The following PGM5 variants were observed in gnomAD, a reference collection of about 807,000 sequenced individuals.
PGM5 encodes phosphoglucomutase-like protein 5.
PGM5 carries 23 observed loss-of-function variants against 59.2 expected under a neutral mutation model. The observed-to-expected ratio is 0.39, with a 90% CI of 0.28 to 0.55. PGM5 has a LOEUF of 0.55. Among genes scored for constraint, PGM5 ranks in the 20% least tolerant of loss-of-function variants. The pLI is 0.66. For synonymous variants in PGM5, 214 were observed against 286.0 expected (o/e 0.75, Z 2.54); for missense variants, 574 against 748.3 (o/e 0.77, Z 2.72).
rs188619042 is a variant in PGM5 at position 68,453,403 on chromosome 9, A to G, written c.1044-11690A>G. Among the ~76,000 whole-genome samples the G allele has an allele frequency of 2.0e-5, 3 of 152,258 alleles. No homozygotes were observed. The East Asian group carries it at 5.8e-4, about 29-fold the overall frequency. On this transcript the variant is annotated intron_variant, in intron 6 of 10. Coordinates refer to ENST00000396396, the MANE Select transcript of PGM5 (RefSeq NM_021965.4). The stretch of plus-strand genomic sequence containing the variant: ...GCCCAGGCTGGAGTACAGTGGCATA[A>G]TTATAGCTAACTGCAGCCTTGAACT...
At chr9:68,386,599 A>G (rs1282832508) in intron 3 of PGM5, among the ~76,000 whole-genome samples, 2 of 152,124 alleles carry the variant, frequency 1.3e-5, no homozygotes, top group Non-Finnish European at 2.9e-5. Context: ...TCAAAGTAGT[A>G]TGTATTTGAA....
At chr9:68,360,309 TATA>T (rs1416298431) in intron 1 of PGM5, among the ~76,000 whole-genome samples, 8 of 151,392 alleles carry the variant, frequency 5.3e-5, no homozygotes, top group East Asian at 3.9e-4. Context: ...AAATTAAAAA[TATA>T]ATATCAAAAA....
intron 6 of PGM5, among the ~76,000 whole-genome samples, chr9:68,409,738 G>C (rs1451474730): frequency 9.1e-6 from 1 of 109,718 alleles, no homozygotes; most frequent in East Asian, 3.1e-4. Context: ...GGTGGGGGGA[G>C]GGGGGAGGGA....
intron 1 of PGM5, among the ~76,000 whole-genome samples, chr9:68,377,796 CAGA>C: frequency 6.6e-6 from 1 of 152,352 alleles, no homozygotes; most frequent in South Asian, 2.1e-4. Flanking sequence ...TTACAGGAAG[CAGA>C]AGAAGCAGAG....
intron 10 of PGM5, among the ~76,000 whole-genome samples, chr9:68,527,003 A>G (rs546307241): frequency 2.0e-5 from 3 of 152,248 alleles, no homozygotes; most frequent in Non-Finnish European, 4.4e-5. Context: ...AGGTGAGCAT[A>G]TTAGAAAGTG....
intron 6 of PGM5, among the ~76,000 whole-genome samples, chr9:68,414,471 C>A (rs1274475131): frequency 6.6e-6 from 1 of 152,102 alleles, no homozygotes; most frequent in Admixed American, 6.5e-5. Flanking sequence ...TACCTAATGA[C>A]CTGAATGCAC....
chr9:68,527,929 C>A (rs1385207235), intron 10 of PGM5, among the ~76,000 whole-genome samples: 1 of 152,232 alleles, frequency 6.6e-6, no homozygotes, highest in Non-Finnish European at 1.5e-5. Flanking sequence ...TCCCTCCCAA[C>A]AAGACTGGCT....
At chr9:68,441,169 CA>C (rs1204573003) in intron 6 of PGM5, among the ~76,000 whole-genome samples, 3 of 151,718 alleles carry the variant, frequency 2.0e-5, no homozygotes, top group Admixed American at 6.6e-5. Context: ...TAAAACCTTC[CA>C]AAAAATCCTA....
intron 7 of PGM5, among the ~76,000 whole-genome samples, chr9:68,465,911 G>T (rs1823927015): frequency 6.6e-6 from 1 of 151,924 alleles, no homozygotes; most frequent in African/African-American, 2.4e-5. Flanking sequence ...ATGTGTCTAG[G>T]GGTGTATGCA....
At chr9:68,502,018 T>C (rs927154976) in intron 10 of PGM5, among the ~76,000 whole-genome samples, 1 of 152,236 alleles carries the variant, frequency 6.6e-6, no homozygotes, top group East Asian at 1.9e-4. Flanking sequence ...AGAACAGTGA[T>C]TATGCTATTT....
At chr9:68,511,234 C>T (rs1485866258) in intron 10 of PGM5, among the ~76,000 whole-genome samples, 3 of 152,134 alleles carry the variant, frequency 2.0e-5, no homozygotes, top group African/African-American at 7.2e-5. Context: ...TGTTATCTGT[C>T]ATCTGATGCT....
At chr9:68,477,849 G>T (rs567618787) in intron 7 of PGM5, among the ~76,000 whole-genome samples, 1 of 152,306 alleles carries the variant, frequency 6.6e-6, no homozygotes, top group Admixed American at 6.5e-5. Context: ...GATGAGTACC[G>T]CAAACAAAGG....
intron 7 of PGM5, among the ~76,000 whole-genome samples, chr9:68,466,004 C>T (rs938114628): frequency 5.9e-5 from 9 of 152,114 alleles, no homozygotes; most frequent in Non-Finnish European, 1.0e-4. Flanking sequence ...AGGAAATGCT[C>T]AGCTATTATT....
intron 10 of PGM5, among the ~76,000 whole-genome samples, chr9:68,523,768 G>A (rs1259370980): frequency 1.6e-4 from 25 of 152,062 alleles, no homozygotes; most frequent in Admixed American, 6.6e-5. Flanking sequence ...ATCCTTCCCC[G>A]ACTGTACAAA....
chr9:68,507,845 A>T (rs1824682896), intron 10 of PGM5, among the ~76,000 whole-genome samples: 2 of 152,050 alleles, frequency 1.3e-5, no homozygotes, highest in South Asian at 4.2e-4. Flanking sequence ...CTGGACTCAT[A>T]CTCTGCCGTT....
chr9:68,384,253 C>A, intron 2 of PGM5, 145 bp from the exon 3 acceptor site: 1 of 618,592 alleles, frequency 1.6e-6, no homozygotes, highest in Non-Finnish European at 2.9e-6. Flanking sequence ...TAAGAAATAT[C>A]AAGGCTAATT....
chr9:68,502,535 A>G (rs1824593235), intron 10 of PGM5, among the ~76,000 whole-genome samples: 1 of 152,202 alleles, frequency 6.6e-6, no homozygotes, highest in Non-Finnish European at 1.5e-5. Flanking sequence ...TAGGAAAATC[A>G]CAGACTGATA....
At chr9:68,503,782 T>G (rs1346561971) in intron 10 of PGM5, among the ~76,000 whole-genome samples, 3 of 152,244 alleles carry the variant, frequency 2.0e-5, no homozygotes, top group African/African-American at 7.2e-5. Context: ...CTCAGGCAGC[T>G]TGGTGAAAGT....
intron 6 of PGM5, among the ~76,000 whole-genome samples, chr9:68,452,831 C>T (rs1297216484): frequency 2.6e-5 from 4 of 152,230 alleles, no homozygotes; most frequent in African/African-American, 9.6e-5. Context: ...AGGGGTATCT[C>T]TGCTTCCAAG....
Sources: allele counts gnomAD v4.1 joint callset (sites outside exome capture counted in the v4.1 genomes callset), GRCh38; gene constraint gnomAD v4.1.1; transcripts MANE v1.5; gene names NCBI Gene and HGNC (gene_info 2026-07-23, HGNC 2026-07-21).